Variants in DISC1 observed in about 807,000 individuals in gnomAD.
DISC1 encodes the protein DISC1 scaffold protein.
Under a neutral mutation model 84.5 loss-of-function variants are expected in DISC1, and 57 were observed. The ratio of observed to expected loss-of-function variants is 0.67; its 90% CI spans 0.55 to 0.84. The LOEUF (loss-of-function observed/expected upper bound fraction) is 0.84. Among genes scored for constraint, DISC1 ranks in the 40% least tolerant of loss-of-function variants. DISC1 has a pLI of 0.00. For synonymous variants in DISC1, 411 were observed against 415.2 expected (o/e 0.99, Z 0.12); for missense variants, 1,000 against 1,057.8 (o/e 0.95, Z 0.76).
rs1659952748 is a variant in DISC1, at chr1:231,958,698, T to A, written c.1982-130T>A. On this transcript the variant is annotated intron_variant, in intron 9 of 12. Coordinates refer to ENST00000439617, the MANE Select transcript of DISC1 (RefSeq NM_018662.3). ...GCCACTCCAGTGGATTTGAGTGTTT[T>A]CCAAACATAGAATGTTACGATTACT... 7 of 955,744 alleles carry A rather than the reference T, an allele frequency of 7.3e-6. No individual in the cohort carries two copies. The East Asian group carries it at 1.8e-4, about 25-fold the overall frequency. The allele number at this position is 955,744 out of a possible 1,614,324, so 59.2% of individuals were successfully genotyped here.
intron 3 of DISC1, chr1:231,722,899 G>A (rs1003406063): frequency 1.5e-6 from 2 of 1,312,986 alleles, no homozygotes; most frequent in Admixed American, 3.3e-5. Flanking sequence ...GTTCTGTGTT[G>A]GGACAATTAG....
intron 9 of DISC1, among the ~76,000 whole-genome samples, chr1:231,944,490 A>G (rs976037290): frequency 4.6e-5 from 7 of 152,172 alleles, no homozygotes; most frequent in African/African-American, 1.7e-4. Flanking sequence ...TGGCTGGGGC[A>G]TTTGTCAGAT....
Position 231,949,148 on chromosome 1 carries a change from G to A in DISC1, c.1982-9680G>A, listed in dbSNP as rs953647180. Among the ~76,000 whole-genome samples the A allele has an allele frequency of 3.9e-5, 6 of 152,214 alleles. No homozygotes were observed. The South Asian group carries it at 6.2e-4, about 16-fold the overall frequency. ...CTCACAAAGTGCTGGGATTACAGGC[G>A]TGAGCCACCGTGCCCGGCCTTCCTG... On this transcript the variant is annotated intron_variant, in intron 9 of 12. Transcript: ENST00000439617.
intron 11 of DISC1, among the ~76,000 whole-genome samples, chr1:232,013,336 C>T (rs1038090192): frequency 6.6e-6 from 1 of 152,072 alleles, no homozygotes; most frequent in Non-Finnish European, 1.5e-5. Flanking sequence ...ATGTGAGTAG[C>T]CAGTGTGTGA....
At chr1:231,741,411 T>TA (rs1307624152) in intron 3 of DISC1, among the ~76,000 whole-genome samples, 2 of 152,154 alleles carry the variant, frequency 1.3e-5, no homozygotes, top group African/African-American at 4.8e-5. Context: ...ATGAAAAACA[T>TA]AAAAAAACAA....
chr1:231,701,935 TC>T lies in DISC1; in HGVS notation c.1048-16del, dbSNP rs755356674. 29 of 1,576,154 alleles carry T rather than the reference TC, an allele frequency of 1.8e-5. No individual in the cohort carries two copies. In the African/African-American group the frequency reaches 2.3e-4, roughly 13 times the overall value. ...AATTCTATTGTAATTTTTTATTTTTTCCCCTTTAAACCAACATAGGTAATAT... is the reference window on the plus strand; with the variant it reads ...AATTCTATTGTAATTTTTTATTTTTTCCCTTTAAACCAACATAGGTAATAT... On this transcript the variant is annotated intron_variant, in intron 2 of 12. Transcript: ENST00000439617.
intron 1 of DISC1, among the ~76,000 whole-genome samples, chr1:231,666,241 GC>G (rs1246514913): frequency 2.1e-5 from 3 of 140,876 alleles, no homozygotes; most frequent in African/African-American, 8.0e-5. Context: ...TAAAGCAAAA[GC>G]CATTATGAGC....
intron 9 of DISC1, among the ~76,000 whole-genome samples, chr1:231,864,842 T>A (rs1365913460): frequency 6.6e-6 from 1 of 152,238 alleles, no homozygotes; most frequent in South Asian, 2.1e-4. Context: ...TAAAATCCTA[T>A]GTTAAATCTC....
intron 1 of DISC1, among the ~76,000 whole-genome samples, chr1:231,647,682 T>C (rs1305673674): frequency 6.6e-6 from 1 of 152,246 alleles, no homozygotes; most frequent in Non-Finnish European, 1.5e-5. Context: ...TGATTCTTCC[T>C]ATCCATGAGC....
At chr1:231,717,438 T>C (rs556695978) in intron 3 of DISC1, among the ~76,000 whole-genome samples, 1 of 152,248 alleles carries the variant, frequency 6.6e-6, no homozygotes, top group Admixed American at 6.5e-5. Context: ...TCTGGAGCCT[T>C]GCTACAGTTT....
At chr1:232,010,914 T>A (rs1667967880) in intron 11 of DISC1, among the ~76,000 whole-genome samples, 1 of 152,152 alleles carries the variant, frequency 6.6e-6, no homozygotes, top group South Asian at 2.1e-4. Flanking sequence ...ATAATCTACT[T>A]TAGAGGAAGG....
chr1:232,020,782 T>A (rs1668888079), intron 11 of DISC1, among the ~76,000 whole-genome samples: 1 of 152,246 alleles, frequency 6.6e-6, no homozygotes, highest in Non-Finnish European at 1.5e-5. Flanking sequence ...ATTTACTTAT[T>A]TATTTATGTA....
intron 10 of DISC1, among the ~76,000 whole-genome samples, chr1:231,966,777 C>T (rs1220504483): frequency 6.6e-6 from 1 of 152,218 alleles, no homozygotes; most frequent in East Asian, 1.9e-4. Flanking sequence ...CTCTAGTGAA[C>T]CTTTACCACA....
At chr1:231,970,419 AATGGC>A (rs1246682607) in intron 10 of DISC1, among the ~76,000 whole-genome samples, 4 of 152,112 alleles carry the variant, frequency 2.6e-5, no homozygotes, top group Non-Finnish European at 5.9e-5. Flanking sequence ...TGCCCTAGAG[AATGGC>A]ATGGACAGAA....
At chr1:231,883,009 C>T (rs2086406028) in intron 9 of DISC1, among the ~76,000 whole-genome samples, 1 of 151,772 alleles carries the variant, frequency 6.6e-6, no homozygotes, top group Admixed American at 6.6e-5. Flanking sequence ...CCAAGAGGCT[C>T]ATTCGTCACT....
chr1:231,834,501 G>A (rs759794143), intron 9 of DISC1, among the ~76,000 whole-genome samples: 1 of 152,146 alleles, frequency 6.6e-6, no homozygotes, highest in Non-Finnish European at 1.5e-5. Flanking sequence ...GAATTATTTA[G>A]ATCTTGTAGG....
chr1:231,848,174 G>A (rs1380990171), intron 9 of DISC1, among the ~76,000 whole-genome samples: 1 of 152,150 alleles, frequency 6.6e-6, no homozygotes, highest in East Asian at 1.9e-4. Context: ...ACTTGGAGAC[G>A]CGTATCAATG....
At chr1:231,651,638 T>C (rs1387730756) in intron 1 of DISC1, among the ~76,000 whole-genome samples, 6 of 152,242 alleles carry the variant, frequency 3.9e-5, no homozygotes, top group Non-Finnish European at 7.3e-5. Flanking sequence ...GATAGGGACG[T>C]TTAAGTCTGC....
chr1:231,790,667 T>C (rs372827445), intron 6 of DISC1, among the ~76,000 whole-genome samples: 5 of 152,066 alleles, frequency 3.3e-5, no homozygotes, highest in East Asian at 1.9e-4. Flanking sequence ...TACAGGCGCC[T>C]GCCACCACGC....
Sources: allele counts gnomAD v4.1 joint callset (sites outside exome capture counted in the v4.1 genomes callset), GRCh38; gene constraint gnomAD v4.1.1; transcripts MANE v1.5; gene names NCBI Gene and HGNC (gene_info 2026-07-23, HGNC 2026-07-21).